The following ARHGEF4 variants were observed in gnomAD, a reference collection of about 807,000 sequenced individuals.
ARHGEF4 encodes Rho guanine nucleotide exchange factor 4.
In ARHGEF4, 119 loss-of-function variants were observed where a neutral mutation model predicts 162.0. The observed-to-expected ratio is 0.73, with a 90% CI of 0.63 to 0.86. ARHGEF4 has a LOEUF of 0.86. ARHGEF4 is among the 40% of genes least tolerant of loss of function. The pLI is 0.00. For synonymous variants in ARHGEF4, 1,014 were observed against 979.9 expected (o/e 1.03, Z -0.65); for missense variants, 2,488 against 2,456.0 (o/e 1.01, Z -0.28).
At chr2:130,870,998 CAG>C (rs1401963195) in intron 1 of ARHGEF4, among the ~76,000 whole-genome samples, 1 of 152,098 alleles carries the variant, frequency 6.6e-6, no homozygotes, top group Non-Finnish European at 1.5e-5. Flanking sequence ...TGGTGAACAT[CAG>C]AGTGTGCTCA....
chr2:130,888,620 T>C (rs577151491), intron 1 of ARHGEF4, among the ~76,000 whole-genome samples: 1 of 152,254 alleles, frequency 6.6e-6, no homozygotes, highest in South Asian at 2.1e-4. Context: ...TTACCTGTTT[T>C]CCACTGATCT....
intron 4 of ARHGEF4, among the ~76,000 whole-genome samples, chr2:130,992,439 G>A (rs1189026913): frequency 6.6e-6 from 1 of 151,518 alleles, no homozygotes. Flanking sequence ...GAGACCACGA[G>A]CCCACCGGGA....
intron 4 of ARHGEF4, among the ~76,000 whole-genome samples, chr2:130,953,052 T>A (rs13017710): frequency 0.53 from 79,927 of 151,868 alleles, 24,981 homozygotes; most frequent in East Asian, 0.75. Flanking sequence ...TTGGAAAAAA[T>A]TACTTTAAAG....
intron 1 of ARHGEF4, among the ~76,000 whole-genome samples, chr2:130,878,013 G>A (rs142582975): frequency 9.9e-5 from 15 of 152,190 alleles, no homozygotes; most frequent in African/African-American, 3.6e-4. Flanking sequence ...CTATGGAAAC[G>A]TTAGGAGGAG....
At chr2:130,936,771 C>G (rs1232454187) in intron 3 of ARHGEF4, among the ~76,000 whole-genome samples, 5 of 152,068 alleles carry the variant, frequency 3.3e-5, no homozygotes, top group African/African-American at 1.2e-4. Context: ...TTATGTTTAT[C>G]CATCATTGAG....
chr2:130,914,234 C>T lies in ARHGEF4; in HGVS notation c.288C>T (p.Pro96=), dbSNP rs1452275318. The T allele has an allele frequency of 7.8e-6, 12 of 1,535,680 alleles. No homozygotes were observed. The East Asian group carries it at 9.8e-5, about 13-fold the overall frequency. ...TCTTCCACCCTCTAAGAGGTACTCC[C>T]GTAGATATAGAAGCACCTTGGGAAT... ...RGVFHPLRGT[P]VDIEAPWEYP... is the part of the protein sequence containing the mutation. The change falls in exon 2 of 14, where the codon CCC becomes CCT. Residue 96 remains proline, a synonymous_variant. Transcript: ENST00000409359.
At chr2:131,014,439 C>T (rs996069020) in intron 4 of ARHGEF4, among the ~76,000 whole-genome samples, 9 of 152,100 alleles carry the variant, frequency 5.9e-5, no homozygotes, top group African/African-American at 2.2e-4. Flanking sequence ...ACTGATTTCC[C>T]AGGTTAGAAA....
intron 4 of ARHGEF4, among the ~76,000 whole-genome samples, chr2:131,025,629 T>C (rs540906099): frequency 3.9e-5 from 6 of 152,330 alleles, no homozygotes; most frequent in Non-Finnish European, 8.8e-5. Context: ...GTTTACTCAT[T>C]TATTTACTTA....
At chr2:130,947,787 G>A (rs1236399150) in intron 4 of ARHGEF4, among the ~76,000 whole-genome samples, 2 of 152,158 alleles carry the variant, frequency 1.3e-5, no homozygotes, top group Non-Finnish European at 2.9e-5. Flanking sequence ...CACGCTAAGT[G>A]AGGCTCAAGG....
intron 2 of ARHGEF4, among the ~76,000 whole-genome samples, chr2:130,922,260 A>T (rs1210583606): frequency 6.6e-6 from 1 of 151,880 alleles, no homozygotes; most frequent in Non-Finnish European, 1.5e-5. Flanking sequence ...AATCGCAGCT[A>T]GTTGGGAGGC....
chr2:130,884,811 C>G (rs1473491405), intron 1 of ARHGEF4, among the ~76,000 whole-genome samples: 1 of 151,918 alleles, frequency 6.6e-6, no homozygotes, highest in African/African-American at 2.4e-5. Flanking sequence ...AGGCCGGACC[C>G]TGCTGCCTCC....
At chr2:130,869,658 G>A (rs959135201) in intron 1 of ARHGEF4, among the ~76,000 whole-genome samples, 4 of 152,198 alleles carry the variant, frequency 2.6e-5, no homozygotes, top group African/African-American at 9.7e-5. Flanking sequence ...AGAAGAGAGG[G>A]TATGAAAGGA....
At chr2:130,847,821 C>T (rs1045440798) in intron 1 of ARHGEF4, among the ~76,000 whole-genome samples, 6 of 152,234 alleles carry the variant, frequency 3.9e-5, no homozygotes, top group African/African-American at 1.2e-4. Flanking sequence ...GGAAGGCGGC[C>T]TTGAAGGCCC....
At chr2:130,949,876 T>A (rs1683846715) in intron 4 of ARHGEF4, among the ~76,000 whole-genome samples, 3 of 152,224 alleles carry the variant, frequency 2.0e-5, no homozygotes, top group Admixed American at 1.3e-4. Flanking sequence ...CTCGAACTCC[T>A]GACCTCAGGT....
At chr2:130,843,315 T>C (rs1277722570) in intron 1 of ARHGEF4, among the ~76,000 whole-genome samples, 2 of 152,160 alleles carry the variant, frequency 1.3e-5, no homozygotes, top group Non-Finnish European at 2.9e-5. Context: ...CCTTGAACTC[T>C]TCTGGGTGAA....
At chr2:131,046,007 C>G in intron 13 of ARHGEF4, 31 bp from the exon 14 acceptor site, 1 of 1,594,634 alleles carries the variant, frequency 6.3e-7, no homozygotes, top group Non-Finnish European at 8.6e-7. Context: ...CCCTGGGCAC[C>G]CATGACCCTC....
chr2:130,914,593 C>A lies in ARHGEF4; in HGVS notation c.647C>A (p.Ser216Tyr). 7.2e-7 allele frequency: 1 copy of A among 1,393,114 alleles called. No individual in the cohort carries two copies. The highest frequency in any genetic ancestry group is 9.3e-7 in the Non-Finnish European group (1 of 1,080,288). The allele number at this position is 1,393,114 out of a possible 1,614,324, so 86.3% of individuals were successfully genotyped here. A position where few individuals can be genotyped will look rare whatever the true frequency, so the allele number is the denominator to read the frequency against. Reference protein sequence around the residue: ...RGLSSVSLQKSRSESYLGIPV... With the variant: ...RGLSSVSLQKYRSESYLGIPV... ...CTCTCCAGTGTTTCTCTTCAGAAAT[C>A]CAGGTCTGAGAGCTATCTGGGCATC... Residue 216 changes from serine (S) to tyrosine (Y), a missense_variant, in exon 2 of 14, where the codon TCC becomes TAC. Transcript: ENST00000409359.
chr2:130,894,556 G>A (rs1680044835), intron 1 of ARHGEF4, among the ~76,000 whole-genome samples: 1 of 152,202 alleles, frequency 6.6e-6, no homozygotes, highest in South Asian at 2.1e-4. Context: ...CTGGGGCAGG[G>A]AAGGGTGGAG....
At chr2:131,038,769 G>T in intron 5 of ARHGEF4, 84 bp from the exon 6 acceptor site, 1 of 1,448,962 alleles carries the variant, frequency 6.9e-7, no homozygotes, top group Non-Finnish European at 9.2e-7. Flanking sequence ...CTCTTCCCAG[G>T]GCTGCTGAGG....
Sources: gnomAD v4.1 joint callset for allele counts (sites outside exome capture counted in the v4.1 genomes callset) on GRCh38, gnomAD v4.1.1 for gene constraint, MANE v1.5 for transcripts, NCBI Gene and HGNC (gene_info 2026-07-23, HGNC 2026-07-21) for gene names.